Variants in MPDZ observed in about 807,000 individuals in gnomAD.
The protein encoded by MPDZ is multiple PDZ domain crumbs cell polarity complex component.
In MPDZ, 234 loss-of-function variants were observed where a neutral mutation model predicts 239.1. That is an observed-to-expected ratio of 0.98 (90% CI 0.88 to 1.09). MPDZ has a LOEUF of 1.09. Among genes scored for constraint, MPDZ ranks in the 50% least tolerant of loss-of-function variants. The pLI, the probability that MPDZ is intolerant of heterozygous loss-of-function variation, is 0.00. For missense variants in MPDZ, 3,175 were observed against 2,510.0 expected, an observed-to-expected ratio of 1.26 and a Z score of -5.66; for synonymous variants, 1,048 against 881.3, an observed-to-expected ratio of 1.19 and a Z score of -3.35.
chr9:13,242,959 G>A (rs1965773306), intron 3 of MPDZ, among the ~76,000 whole-genome samples: 1 of 152,124 alleles, frequency 6.6e-6, no homozygotes, highest in East Asian at 1.9e-4. Context: ...GTTTCCCTCG[G>A]GAATGGAGAG....
intron 3 of MPDZ, among the ~76,000 whole-genome samples, chr9:13,236,990 C>T (rs180719458): frequency 4.6e-5 from 7 of 151,812 alleles, no homozygotes; most frequent in East Asian, 3.9e-4. Context: ...GTCCAAGATA[C>T]GCTGAAAAAA....
intron 25 of MPDZ, among the ~76,000 whole-genome samples, chr9:13,148,166 T>C (rs1563905449): frequency 6.6e-6 from 1 of 152,076 alleles, no homozygotes; most frequent in Admixed American, 6.6e-5. Flanking sequence ...AGGTTAGTTT[T>C]GCAAAAGAAT....
chr9:13,145,005 G>A (rs886451583), intron 26 of MPDZ, among the ~76,000 whole-genome samples: 4 of 151,958 alleles, frequency 2.6e-5, no homozygotes, highest in African/African-American at 9.7e-5. Context: ...TAGAACATCA[G>A]AAAACAAAAC....
intron 12 of MPDZ, among the ~76,000 whole-genome samples, chr9:13,204,415 T>G (rs1201776041): frequency 6.6e-6 from 1 of 152,086 alleles, no homozygotes; most frequent in Non-Finnish European, 1.5e-5. Flanking sequence ...TGGCGAAATC[T>G]GTCTCTAATA....
At position 13,190,269 on chromosome 9, in the gene MPDZ, A is replaced by T. The variant is rs1319788125; in HGVS notation, c.1999T>A (p.Ser667Thr). The T allele has an allele frequency of 3.7e-6, 6 of 1,604,530 alleles. No homozygotes were observed. The African/African-American group carries it at 8.0e-5, about 22-fold the overall frequency. ...PHVDLGEFIG[S>T]SETEDPVLAM... The stretch of plus-strand genomic sequence containing the variant: ...AGCACTGGATCCTCTGTCTCTGATG[A>T]CCCGATGAACTCACCTAGATCTACG... The change falls in exon 16 of 47, where the codon TCA (serine) becomes ACA (threonine). Residue 667 changes from serine to threonine, a missense_variant. By Grantham distance (58) the Ser-to-Thr change is moderately conservative. Coordinates refer to ENST00000319217, the MANE Select transcript of MPDZ (RefSeq NM_001378778.1).
chr9:13,215,696 T>A (rs191665406), intron 10 of MPDZ, among the ~76,000 whole-genome samples: 1 of 150,018 alleles, frequency 6.7e-6, no homozygotes, highest in East Asian at 2.0e-4. Context: ...GACCTCACAA[T>A]TACAAAAGTT....
intron 23 of MPDZ, 81 bp from the exon 24 acceptor site, chr9:13,158,191 G>C: frequency 1.9e-6 from 2 of 1,055,234 alleles, no homozygotes; most frequent in Middle Eastern, 2.1e-4. Flanking sequence ...TATTGATTTA[G>C]CTAAAAATGC....
chr9:13,257,701 T>C (rs1413726669), intron 1 of MPDZ, among the ~76,000 whole-genome samples: 1 of 152,186 alleles, frequency 6.6e-6, no homozygotes, highest in Non-Finnish European at 1.5e-5. Context: ...TACTTTGCAC[T>C]GCATTACTTT....
rs1011820371 is a variant in MPDZ, at chr9:13,168,377, G to A, written c.3243C>T (p.Gly1081=). The stretch of plus-strand genomic sequence containing the variant: ...CAAATGATACTTACTTTATGTCAGG[G>A]CCAATGAGAGAATGTCTTCTCAACA... ...RAMLRRHSLI[G]PDIKITYVPA... The change falls in exon 22 of 47, where the codon GGC becomes GGT. Residue 1081 remains glycine, a synonymous_variant. Coordinates refer to ENST00000319217, the MANE Select transcript of MPDZ (RefSeq NM_001378778.1). The A allele has an allele frequency of 6.2e-7, 1 of 1,612,376 alleles. No homozygotes were observed.
At chr9:13,254,183 G>A (rs535018839) in intron 1 of MPDZ, among the ~76,000 whole-genome samples, 8 of 152,330 alleles carry the variant, frequency 5.3e-5, no homozygotes, top group African/African-American at 1.2e-4. Flanking sequence ...GACTGTTGTA[G>A]ATAGTCAAAT....
intron 3 of MPDZ, among the ~76,000 whole-genome samples, chr9:13,234,805 T>C (rs1963508634): frequency 1.2e-5 from 1 of 86,678 alleles, no homozygotes; most frequent in Non-Finnish European, 2.5e-5. Context: ...ACGCACCTCT[T>C]AGAAATGCAG....
intron 3 of MPDZ, among the ~76,000 whole-genome samples, chr9:13,246,453 A>C (rs1032396116): frequency 1.3e-5 from 2 of 152,194 alleles, no homozygotes. Context: ...AAAAAATAAA[A>C]ATAAATAAAA....
rs567096441 is a variant in MPDZ at position 13,176,150 on chromosome 9, C to T, written c.2917G>A (p.Asp973Asn). The T allele has an allele frequency of 1.1e-5, 17 of 1,594,590 alleles. No individual in the cohort carries two copies. Among genetic ancestry groups the T allele is most frequent in the South Asian group, 3.4e-5 (3 of 88,024 alleles). Residue 973 changes from aspartate (D) to asparagine (N), a missense_variant, in exon 20 of 47, where the codon GAT (aspartate) becomes AAT (asparagine). Physicochemically the swap from Asp to Asn is conservative, Grantham distance 23. Coordinates refer to ENST00000319217, the MANE Select transcript of MPDZ (RefSeq NM_001378778.1). ...TAAAATATTACCTTTCCAGCTGAAT[C>T]GGGTAGCACAGAAGGAAGTTCTGCA... is the stretch of plus-strand genomic sequence containing the variant. ...SSAELPSVLP[D>N]SAGKGSEYLL...
chr9:13,155,503 C>A (rs1949706961), intron 24 of MPDZ, among the ~76,000 whole-genome samples: 3 of 151,926 alleles, frequency 2.0e-5, no homozygotes, highest in Non-Finnish European at 4.4e-5. Context: ...TGAATTAGAT[C>A]TTTAAGTATC....
At chr9:13,138,408 G>C (rs1006368410) in intron 28 of MPDZ, among the ~76,000 whole-genome samples, 1 of 152,110 alleles carries the variant, frequency 6.6e-6, no homozygotes, top group Non-Finnish European at 1.5e-5. Context: ...CCTTGGAGTG[G>C]TTACACCAAA....
rs1563855037 is a variant in MPDZ, at chr9:13,126,767, C to A, written c.4470G>T (p.Gln1490His). The A allele has an allele frequency of 6.2e-7, 1 of 1,613,656 alleles. No individual in the cohort carries two copies. The highest frequency in any genetic ancestry group is 8.5e-7 in the Non-Finnish European group (1 of 1,179,638). Residue 1490 changes from glutamine (Q) to histidine (H), a missense_variant, in exon 33 of 47, where the codon CAG (glutamine) becomes CAT (histidine). By Grantham distance (24) the Gln-to-His change is conservative (BLOSUM62 0). Transcript: ENST00000319217. ...NVQHLELPKD[Q>H]GGLGIAISEE... The stretch of plus-strand genomic sequence containing the variant: ...CGCTGATAGCAATACCCAAACCCCC[C>A]TGATCCTAGAAAAGTAAAAACAAAA...
chr9:13,246,714 T>A (rs2137707346), intron 3 of MPDZ, among the ~76,000 whole-genome samples: 1 of 152,334 alleles, frequency 6.6e-6, no homozygotes, highest in South Asian at 2.1e-4. Flanking sequence ...GGGTTTTTTT[T>A]AACTGGAGCT....
chr9:13,168,251 T>C, intron 22 of MPDZ, 115 bp downstream of exon 22: 1 of 947,398 alleles, frequency 1.1e-6, no homozygotes, highest in Non-Finnish European at 1.6e-6. Flanking sequence ...TGATTTATGT[T>C]AAAAAAAATG....
At chr9:13,165,285 G>T in intron 22 of MPDZ, 2 of 1,370,048 alleles carry the variant, frequency 1.5e-6, no homozygotes, top group Non-Finnish European at 1.0e-6. Context: ...CTTGCATTGG[G>T]ACATTACAAA....
Sources: allele counts gnomAD v4.1 joint callset (sites outside exome capture counted in the v4.1 genomes callset), GRCh38; gene constraint gnomAD v4.1.1; transcripts MANE v1.5; gene names NCBI Gene and HGNC (gene_info 2026-07-23, HGNC 2026-07-21).